Variants in ATP13A5 observed in about 807,000 individuals in gnomAD.
The protein encoded by ATP13A5 is probable cation-transporting ATPase 13A5.
A neutral mutation model predicts 150.2 loss-of-function variants in ATP13A5; 149 were observed. That is an observed-to-expected ratio of 0.99 (90% confidence interval 0.87 to 1.14). ATP13A5 has a LOEUF of 1.14. ATP13A5 is among the 50% of genes most tolerant of loss of function. ATP13A5 has a pLI of 0.00. For synonymous variants in ATP13A5, 497 were observed against 522.2 expected, an observed-to-expected ratio of 0.95 and a Z score of 0.66; for missense variants, 1,383 against 1,449.3, an observed-to-expected ratio of 0.95 and a Z score of 0.74.
At chr3:193,333,172 AACACACACACAC>A (rs57775933) in intron 11 of ATP13A5, among the ~76,000 whole-genome samples, 8 of 143,190 alleles carry the variant, frequency 5.6e-5, no homozygotes, top group African/African-American at 2.0e-4. Flanking sequence ...CACACACACA[AACACACACACAC>A]ACACACACAC....
At chr3:193,365,685 C>G (rs2108581784) in intron 1 of ATP13A5, among the ~76,000 whole-genome samples, 1 of 152,192 alleles carries the variant, frequency 6.6e-6, no homozygotes, top group South Asian at 2.1e-4. Context: ...AGAAGCAGGA[C>G]AATTTGGAAT....
In ATP13A5 at chr3:193,331,285, C is replaced by T. The variant is rs777354581; in HGVS notation, c.1299G>A (p.Met433Ile). Residue 433 changes from methionine (M) to isoleucine (I), a missense_variant, in exon 12 of 30, where the codon ATG becomes ATA. Met to Ile is a conservative substitution (Grantham distance 10, BLOSUM62 1). Transcript: ENST00000342358. ...CAGTCACGGTGAGGAGGATCAGGGC[C>T]ATGGTCACAGTATCTTTTGGAGGAA... Reference protein sequence around the residue: ...HGVPPKDTVTMALILLTVTVP... With the variant: ...HGVPPKDTVTIALILLTVTVP... 2.2e-5 allele frequency: 35 copies of T among 1,613,524 alleles called. No homozygotes were observed. The highest frequency in any genetic ancestry group is 2.6e-5 in the Non-Finnish European group (31 of 1,179,866).
chr3:193,343,892 G>A (rs1478399136), intron 9 of ATP13A5, 35 bp downstream of exon 9: 1 of 1,602,536 alleles, frequency 6.2e-7, no homozygotes, highest in Non-Finnish European at 8.5e-7. Context: ...TTAGATGTCA[G>A]ACAGGGAAGA....
intron 2 of ATP13A5, 152 bp from the exon 3 acceptor site, chr3:193,363,534 C>T: frequency 1.5e-6 from 1 of 673,536 alleles, no homozygotes; most frequent in Non-Finnish European, 2.4e-6. Context: ...TTCTCAGCCC[C>T]ACTTCAGACC....
At chr3:193,314,933 T>C (rs199923431) in intron 18 of ATP13A5, 39 bp downstream of exon 18, 1 of 1,606,984 alleles carries the variant, frequency 6.2e-7, no homozygotes, top group East Asian at 2.2e-5. Context: ...ATGCCTAGGA[T>C]ACAATCAACT....
chr3:193,350,947 C>T (rs933545503), intron 7 of ATP13A5, 120 bp downstream of exon 7: 18 of 1,161,766 alleles, frequency 1.5e-5, no homozygotes, highest in African/African-American at 3.1e-5. Flanking sequence ...GGTAAGCCCT[C>T]ACTTTTTGTT....
intron 5 of ATP13A5, 53 bp from the exon 6 acceptor site, chr3:193,354,249 G>T: frequency 1.3e-6 from 2 of 1,505,698 alleles, no homozygotes; most frequent in South Asian, 1.2e-5. Context: ...CATGATAAGT[G>T]ACTACAGGCC....
intron 5 of ATP13A5, among the ~76,000 whole-genome samples, chr3:193,354,621 C>T (rs1234065232): frequency 6.6e-6 from 1 of 151,146 alleles, no homozygotes; most frequent in Non-Finnish European, 1.5e-5. Flanking sequence ...AGGACAGGGC[C>T]CTTAGTATAC....
At chr3:193,338,508 T>C (rs977299761) in intron 9 of ATP13A5, among the ~76,000 whole-genome samples, 10 of 152,226 alleles carry the variant, frequency 6.6e-5, no homozygotes, top group Non-Finnish European at 5.9e-5. Context: ...GTTTTGTCTT[T>C]GGTTCTGTTT....
intron 11 of ATP13A5, among the ~76,000 whole-genome samples, chr3:193,331,541 A>G (rs1251248267): frequency 6.6e-6 from 1 of 152,142 alleles, no homozygotes; most frequent in Non-Finnish European, 1.5e-5. Flanking sequence ...CTAGCCTACA[A>G]ACTCCTTGGG....
chr3:193,340,562 G>A (rs1044211787), intron 9 of ATP13A5, among the ~76,000 whole-genome samples: 10 of 152,060 alleles, frequency 6.6e-5, no homozygotes, highest in Non-Finnish European at 1.0e-4. Flanking sequence ...CTGCACTCTC[G>A]CCCCACACAC....
chr3:193,362,725 C>T, intron 3 of ATP13A5, 88 bp from the exon 4 acceptor site: 1 of 1,168,170 alleles, frequency 8.6e-7, no homozygotes, highest in South Asian at 1.2e-5. Flanking sequence ...GGATGCAGAT[C>T]CCCTTGTGGG....
At chr3:193,359,819 G>GT (rs771806503) in intron 5 of ATP13A5, among the ~76,000 whole-genome samples, 1 of 151,404 alleles carries the variant, frequency 6.6e-6, no homozygotes, top group African/African-American at 2.4e-5. Flanking sequence ...GTGTGTGTGT[G>GT]GTGGTGGTGG....
At chr3:193,354,582 T>C (rs1003198838) in intron 5 of ATP13A5, among the ~76,000 whole-genome samples, 1 of 151,694 alleles carries the variant, frequency 6.6e-6, no homozygotes, top group Non-Finnish European at 1.5e-5. Flanking sequence ...AGAAGTCATA[T>C]CTATCTTACT....
chr3:193,346,050 G>A (rs1303540949), intron 7 of ATP13A5, among the ~76,000 whole-genome samples: 1 of 152,082 alleles, frequency 6.6e-6, no homozygotes, highest in Non-Finnish European at 1.5e-5. Flanking sequence ...CTGTTAAGTC[G>A]TGAATCTTGT....
intron 5 of ATP13A5, among the ~76,000 whole-genome samples, chr3:193,355,078 AT>A (rs1387202737): frequency 6.6e-6 from 1 of 151,968 alleles, no homozygotes; most frequent in Non-Finnish European, 1.5e-5. Context: ...GATTACAGGC[AT>A]GCACCATCAT....
At chr3:193,345,213 C>T in intron 7 of ATP13A5, 138 bp from the exon 8 acceptor site, 2 of 765,668 alleles carry the variant, frequency 2.6e-6, no homozygotes. Flanking sequence ...TTTGATGCTT[C>T]AGCTTCCTTG....
chr3:193,276,965 A>T, intron 28 of ATP13A5, 135 bp from the exon 29 acceptor site: 1 of 668,012 alleles, frequency 1.5e-6, no homozygotes, highest in South Asian at 2.2e-5. Flanking sequence ...CCCTTTACAG[A>T]TAATACAACT....
At chr3:193,360,859 TAAAG>T (rs1379140622) in intron 5 of ATP13A5, among the ~76,000 whole-genome samples, 1 of 152,192 alleles carries the variant, frequency 6.6e-6, no homozygotes, top group Non-Finnish European at 1.5e-5. Context: ...GTATTTTTAG[TAAAG>T]ACGGAGTTTC....
Sources: allele counts gnomAD v4.1 joint callset (sites outside exome capture counted in the v4.1 genomes callset), GRCh38; gene constraint gnomAD v4.1.1; transcripts MANE v1.5; gene names NCBI Gene and HGNC (gene_info 2026-07-23, HGNC 2026-07-21).